PIGL: variants seen among roughly 807,000 people sequenced by gnomAD.
The protein encoded by PIGL is N-acetylglucosaminyl-phosphatidylinositol de-N-acetylase.
PIGL carries 22 observed loss-of-function variants against 31.1 expected under a neutral mutation model. The ratio of observed to expected loss-of-function variants is 0.71; its 90% CI spans 0.51 to 1.01. The LOEUF is 1.01. PIGL is among the 50% of genes least tolerant of loss of function. PIGL has a pLI of 0.00. For missense variants in PIGL, 302 were observed against 315.9 expected, an observed-to-expected ratio of 0.96 and a Z score of 0.33; for synonymous variants, 131 against 117.4, an observed-to-expected ratio of 1.12 and a Z score of -0.75.
At chr17:16,231,222 ATTTTC>A (rs915353153) in intron 1 of PIGL, among the ~76,000 whole-genome samples, 1 of 118,502 alleles carries the variant, frequency 8.4e-6, no homozygotes, top group African/African-American at 3.2e-5. Context: ...TTACTGATTT[ATTTTC>A]TTTTCTTTTT....
chr17:16,301,800 A>T (rs963401468), intron 3 of PIGL, among the ~76,000 whole-genome samples: 1 of 151,170 alleles, frequency 6.6e-6, no homozygotes, highest in Non-Finnish European at 1.5e-5. Context: ...CCATCTCCTG[A>T]CCTCATGATC....
chr17:16,245,149 C>T (rs1007235498), intron 2 of PIGL, among the ~76,000 whole-genome samples: 3 of 152,092 alleles, frequency 2.0e-5, no homozygotes, highest in South Asian at 2.1e-4. Flanking sequence ...CCCACCACCA[C>T]GCCCAGCTAA....
chr17:16,255,163 G>A (rs998586831), intron 2 of PIGL, among the ~76,000 whole-genome samples: 2 of 152,098 alleles, frequency 1.3e-5, no homozygotes, highest in Non-Finnish European at 2.9e-5. Context: ...AATTGTTTTC[G>A]TTTTATTTAA....
chr17:16,325,264 G>A (rs369866239), intron 6 of PIGL, among the ~76,000 whole-genome samples: 1 of 144,402 alleles, frequency 6.9e-6, no homozygotes, highest in Non-Finnish European at 1.5e-5. Flanking sequence ...AGAATGGCGT[G>A]AACCCAGGAG....
chr17:16,325,135 G>A (rs767459444), intron 6 of PIGL, among the ~76,000 whole-genome samples: 1 of 151,986 alleles, frequency 6.6e-6, no homozygotes, highest in Non-Finnish European at 1.5e-5. Context: ...CACTAGGTCA[G>A]GAGATCGAGA....
intron 3 of PIGL, among the ~76,000 whole-genome samples, chr17:16,308,272 C>T (rs1481192774): frequency 2.6e-5 from 4 of 151,824 alleles, no homozygotes; most frequent in African/African-American, 9.7e-5. Context: ...GAGGAGGTTG[C>T]GGTGAGCCGA....
At chr17:16,253,167 T>C (rs1260051268) in intron 2 of PIGL, among the ~76,000 whole-genome samples, 1 of 151,990 alleles carries the variant, frequency 6.6e-6, no homozygotes, top group Non-Finnish European at 1.5e-5. Flanking sequence ...GGCAAGAGAA[T>C]AGCTTGAACC....
At chr17:16,317,022 C>T (rs1210429743) in intron 5 of PIGL, 3 of 1,149,554 alleles carry the variant, frequency 2.6e-6, no homozygotes, top group Non-Finnish European at 3.2e-6. Flanking sequence ...TCCCATCCCC[C>T]AACCAATTAG....
intron 2 of PIGL, among the ~76,000 whole-genome samples, chr17:16,253,320 C>T (rs925199492): frequency 5.9e-5 from 9 of 152,018 alleles, no homozygotes; most frequent in Non-Finnish European, 1.2e-4. Flanking sequence ...CAATTAAAAC[C>T]CATGCCTATT....
chr17:16,282,125 T>C (rs1053987714), intron 2 of PIGL: 3 of 475,036 alleles, frequency 6.3e-6, no homozygotes, highest in African/African-American at 5.9e-5. Flanking sequence ...TATCTGAGCA[T>C]CACCAGACAG....
At chr17:16,308,910 C>A (rs1422215600) in intron 3 of PIGL, among the ~76,000 whole-genome samples, 1 of 151,440 alleles carries the variant, frequency 6.6e-6, no homozygotes, top group Admixed American at 6.6e-5. Flanking sequence ...TCTTCCTCTC[C>A]CAAGTAGCTG....
chr17:16,240,494 G>A (rs1430800254), intron 2 of PIGL, among the ~76,000 whole-genome samples: 1 of 151,852 alleles, frequency 6.6e-6, no homozygotes, highest in Non-Finnish European at 1.5e-5. Context: ...CCAAGGTTTT[G>A]TTTTCTTTTG....
At chr17:16,302,989 CGAGGGGCCAG>C in intron 3 of PIGL, among the ~76,000 whole-genome samples, 1 of 152,128 alleles carries the variant, frequency 6.6e-6, no homozygotes, top group African/African-American at 2.4e-5. Context: ...TGGTCTTTGC[CGAGGGGCCAG>C]ATTTCTTTTT....
chr17:16,285,709 A>C (rs1464701439), intron 2 of PIGL, among the ~76,000 whole-genome samples: 1 of 152,102 alleles, frequency 6.6e-6, no homozygotes, highest in African/African-American at 2.4e-5. Flanking sequence ...TACTTAATAA[A>C]AGTGCACTGA....
Position 16,317,886 on chromosome 17 carries a change from G to T in PIGL, c.638G>T (p.Ser213Ile). Residue 213 changes from serine (S) to isoleucine (I), a missense_variant, in exon 6 of 7, where the codon AGC becomes ATC. Coordinates refer to ENST00000225609, the MANE Select transcript of PIGL (RefSeq NM_004278.4). Reference sequence around the variant, plus strand: ...CAGGATGTCCTCTTCGTGCTCAACAGCAAAGAAGTGGCACAGGCCAAGGTG... The same window carrying T: ...CAGGATGTCCTCTTCGTGCTCAACATCAAAGAAGTGGCACAGGCCAAGGTG... ...HTQDVLFVLN[S>I]KEVAQAKKAM... 6.2e-7 allele frequency: 1 copy of T among 1,613,580 alleles called. No homozygotes were observed. The highest frequency in any genetic ancestry group is 1.1e-5 in the South Asian group (1 of 91,072).
chr17:16,313,626 C>G lies in PIGL; in HGVS notation c.494+12C>G. ...TATGCAGCTGTGAGGTATGATTCTC[C>G]GGGTGATGGATGTGGGGGAGGGTTT... On this transcript the variant is annotated intron_variant, in intron 4 of 6. Transcript: ENST00000225609. 1 of 1,600,350 alleles carries G rather than the reference C, an allele frequency of 6.2e-7. No homozygotes were observed. The highest frequency in any genetic ancestry group is 8.6e-7 in the Non-Finnish European group (1 of 1,167,544).
chr17:16,294,079 G>A (rs868287050), intron 2 of PIGL, among the ~76,000 whole-genome samples: 155 of 152,268 alleles, frequency 1.0e-3, no homozygotes, highest in African/African-American at 3.3e-3. Context: ...GTTGCTCCAC[G>A]CCTTTCTTTT....
intron 2 of PIGL, among the ~76,000 whole-genome samples, chr17:16,254,666 G>T (rs549535210): frequency 2.0e-5 from 3 of 151,790 alleles, no homozygotes; most frequent in Non-Finnish European, 4.4e-5. Flanking sequence ...ATGCAGTGGC[G>T]CTATCTCGAC....
At chr17:16,247,592 C>T (rs1353893857) in intron 2 of PIGL, among the ~76,000 whole-genome samples, 1 of 152,178 alleles carries the variant, frequency 6.6e-6, no homozygotes, top group Non-Finnish European at 1.5e-5. Context: ...GATATTCGGC[C>T]CTCCAAGCCC....
Sources: allele counts gnomAD v4.1 joint callset (sites outside exome capture counted in the v4.1 genomes callset), GRCh38; gene constraint gnomAD v4.1.1; transcripts MANE v1.5; gene names NCBI Gene and HGNC (gene_info 2026-07-23, HGNC 2026-07-21).